The following ZC3H12B variants were observed in gnomAD, a reference collection of about 807,000 sequenced individuals.
ZC3H12B encodes probable ribonuclease ZC3H12B.
A neutral mutation model predicts 43.9 loss-of-function variants in ZC3H12B; 7 were observed. The observed-to-expected ratio is 0.16, with a 90% CI of 0.09 to 0.30. ZC3H12B has a LOEUF of 0.30. ZC3H12B is among the 10% of genes least tolerant of loss of function. ZC3H12B has a pLI of 1.00. For synonymous variants in ZC3H12B, 222 were observed against 241.7 expected, an observed-to-expected ratio of 0.92 and a Z score of 0.76; for missense variants, 475 against 670.2, an observed-to-expected ratio of 0.71 and a Z score of 3.22.
the ZC3H12B span, among the ~76,000 whole-genome samples, chrX:65,302,955 G>A: frequency 9.0e-6 from 1 of 111,264 alleles, no homozygotes; most frequent in African/African-American, 3.3e-5. Flanking sequence ...ATCTCTGCAT[G>A]CAACACAAAA....
intron 1 of ZC3H12B, among the ~76,000 whole-genome samples, chrX:65,490,285 T>C (rs1003746134): frequency 2.9e-5 from 3 of 102,362 alleles, no homozygotes; most frequent in Non-Finnish European, 5.8e-5. Flanking sequence ...TAGAAGGAGA[T>C]GGAATGGCAG....
chrX:65,117,718 C>T, the ZC3H12B span, among the ~76,000 whole-genome samples: 8 of 111,385 alleles, frequency 7.2e-5, no homozygotes, highest in Admixed American at 7.7e-4. Context: ...GTCTTTAATC[C>T]ATCTTGAATT....
At chrX:65,109,506 T>A in the ZC3H12B span, among the ~76,000 whole-genome samples, 3 of 112,049 alleles carry the variant, frequency 2.7e-5, no homozygotes, top group Non-Finnish European at 5.7e-5. Context: ...GGTCTATGCA[T>A]GTGGTAGCCT....
chrX:65,184,604 T>G, the ZC3H12B span, among the ~76,000 whole-genome samples: 1 of 111,562 alleles, frequency 9.0e-6, no homozygotes, highest in African/African-American at 3.3e-5. Flanking sequence ...CAGAAACCTT[T>G]GGGAAAGGGA....
chrX:65,333,312 T>G, the ZC3H12B span, among the ~76,000 whole-genome samples: 1 of 112,109 alleles, frequency 8.9e-6, no homozygotes, highest in African/African-American at 3.2e-5. Flanking sequence ...TGTGTCCTGT[T>G]GCAAAGGAAA....
intron 3 of ZC3H12B, among the ~76,000 whole-genome samples, chrX:65,462,332 G>A (rs755772338): frequency 9.0e-6 from 1 of 110,511 alleles, no homozygotes; most frequent in South Asian, 3.9e-4. Context: ...CCAACATGGT[G>A]AAATCCCATC....
At chrX:65,346,923 GGACCTCCC>G in the ZC3H12B span, among the ~76,000 whole-genome samples, 1 of 112,197 alleles carries the variant, frequency 8.9e-6, no homozygotes, top group African/African-American at 3.2e-5. Context: ...AGAGAGCAGC[GGACCTCCC>G]AGCACAGCTT....
At chrX:65,123,729 CTTTTTTT>C in the ZC3H12B span, among the ~76,000 whole-genome samples, 3 of 71,556 alleles carry the variant, frequency 4.2e-5, no homozygotes, top group South Asian at 6.2e-4. Flanking sequence ...GTTGTTGTTT[CTTTTTTT>C]TTTTTTTTTG....
chrX:65,317,922 T>A, the ZC3H12B span, among the ~76,000 whole-genome samples: 1 of 105,534 alleles, frequency 9.5e-6, no homozygotes, highest in South Asian at 4.2e-4. Flanking sequence ...CACTGATTGA[T>A]TGATGGTCAT....
chrX:65,202,146 TGAA>T, the ZC3H12B span, among the ~76,000 whole-genome samples: 1 of 70,420 alleles, frequency 1.4e-5, no homozygotes, highest in African/African-American at 3.5e-4. Flanking sequence ...TTATATAATA[TGAA>T]ATATATATTA....
chrX:65,373,755 G>T (rs1357905609), intron 2 of ZC3H12B, among the ~76,000 whole-genome samples: 7 of 92,389 alleles, frequency 7.6e-5, no homozygotes, highest in African/African-American at 2.4e-4. Flanking sequence ...GTGGTGGGAG[G>T]GGGGAGGGAT....
chrX:65,241,613 C>G, the ZC3H12B span, among the ~76,000 whole-genome samples: 11 of 112,929 alleles, frequency 9.7e-5, no homozygotes, highest in African/African-American at 3.5e-4. Flanking sequence ...AGCAGCTGTG[C>G]TGCATTGTGT....
At chrX:65,073,255 A>G in the ZC3H12B span, among the ~76,000 whole-genome samples, 10 of 112,819 alleles carry the variant, frequency 8.9e-5, no homozygotes, top group Non-Finnish European at 7.5e-5. Flanking sequence ...CTGTCCATGC[A>G]CATGCATAGT....
chrX:65,368,854 G>T (rs2066208286), exon 2 of ZC3H12B: 1 of 112,246 alleles, frequency 8.9e-6, no homozygotes, highest in Non-Finnish European at 1.9e-5. Flanking sequence ...TGGCATTTCT[G>T]CCTCAGCAAC....
chrX:65,338,357 G>A, the ZC3H12B span, among the ~76,000 whole-genome samples: 1 of 111,608 alleles, frequency 9.0e-6, no homozygotes, highest in African/African-American at 3.3e-5. Flanking sequence ...TTGGACAATT[G>A]AATCACTAAT....
At chrX:65,153,557 A>T in the ZC3H12B span, among the ~76,000 whole-genome samples, 1 of 112,038 alleles carries the variant, frequency 8.9e-6, no homozygotes, top group Non-Finnish European at 1.9e-5. Context: ...TTAGAATGGC[A>T]ATTATTAAAA....
At chrX:65,447,837 A>G (rs2148137327) in intron 3 of ZC3H12B, among the ~76,000 whole-genome samples, 1 of 112,084 alleles carries the variant, frequency 8.9e-6, no homozygotes, top group South Asian at 3.7e-4. Context: ...ACATATGAAA[A>G]GTGCTCAACA....
the ZC3H12B span, among the ~76,000 whole-genome samples, chrX:65,359,768 A>G: frequency 2.7e-5 from 3 of 112,586 alleles, no homozygotes; most frequent in Non-Finnish European, 5.6e-5. Context: ...GATTTAGAAT[A>G]TTACATAAAC....
the ZC3H12B span, among the ~76,000 whole-genome samples, chrX:65,268,542 T>TA: frequency 8.9e-6 from 1 of 112,309 alleles, no homozygotes; most frequent in African/African-American, 3.2e-5. Flanking sequence ...ATTCAATATA[T>TA]AAAAAACATT....
Sources: gnomAD v4.1 joint callset for allele counts (sites outside exome capture counted in the v4.1 genomes callset) on GRCh38, gnomAD v4.1.1 for gene constraint, MANE v1.5 for transcripts, NCBI Gene and HGNC (gene_info 2026-07-23, HGNC 2026-07-21) for gene names.